Variants in SHTN1 observed in about 807,000 individuals in gnomAD.
SHTN1 encodes shootin 1, also known as shootin-1.
In SHTN1, 42 loss-of-function variants were observed where a neutral mutation model predicts 83.1. The ratio of observed to expected loss-of-function variants is 0.51; its 90% confidence interval spans 0.39 to 0.65. SHTN1 has a LOEUF of 0.65. SHTN1 is among the 30% of genes least tolerant of loss of function. The pLI, the probability that SHTN1 is intolerant of heterozygous loss-of-function variation, is 0.00. For missense variants in SHTN1, 622 were observed against 737.8 expected (o/e 0.84, Z 1.82); for synonymous variants, 224 against 247.7 (o/e 0.90, Z 0.90).
chr10:116,921,449 T>A lies in SHTN1; in HGVS notation c.1180A>T (p.Thr394Ser). 1 of 1,613,350 alleles carries A rather than the reference T, an allele frequency of 6.2e-7. No homozygotes were observed. The highest frequency in any genetic ancestry group is 8.5e-7 in the Non-Finnish European group (1 of 1,179,542). ...TGATGCTTACTTGTTTCTGGTTGAG[T>A]TGCCTTTTCTTTCTTAGCACCACTG... is the stretch of plus-strand genomic sequence containing the variant. The part of the protein sequence containing the change: ...SGSGAKKEKA[T>S]QPETTEEVTD... The change falls in exon 12 of 17, where the codon ACT becomes TCT. Residue 394 changes from threonine (T) to serine (S), a missense_variant. By Grantham distance (58) the Thr-to-Ser change is moderately conservative. Around this residue, in one of 3 missense-constraint regions of SHTN1, gnomAD observed 383 missense variants for 455.8 expected, o/e 0.84. Transcript: ENST00000355371.
chr10:117,054,251 T>G (rs1432251991), intron 1 of SHTN1, among the ~76,000 whole-genome samples: 2 of 151,988 alleles, frequency 1.3e-5, no homozygotes, highest in Non-Finnish European at 2.9e-5. Context: ...AAAATAGAGA[T>G]CATAAGACTG....
At chr10:116,911,873 T>G in intron 13 of SHTN1, 30 bp from the exon 14 acceptor site, 2 of 1,541,766 alleles carry the variant, frequency 1.3e-6, no homozygotes, top group South Asian at 1.1e-5. Context: ...GAAAAATCAC[T>G]GAGTAATTCA....
rs1847010785 is a variant in SHTN1, at chr10:116,881,500, T to G, written c.*4844A>C. 6.6e-7 allele frequency: 1 copy of G among 1,525,442 alleles called. No individual in the cohort carries two copies. The highest frequency in any genetic ancestry group is 1.4e-5 in the African/African-American group (1 of 71,758). The allele number at this position is 1,525,442 out of a possible 1,614,324, so 94.5% of individuals were successfully genotyped here. A position where few individuals can be genotyped will look rare whatever the true frequency, so the allele number is the denominator to read the frequency against. On this transcript the variant is annotated 3_prime_UTR_variant, in exon 17 of 17. Coordinates refer to ENST00000355371, the MANE Select transcript of SHTN1 (RefSeq NM_001127211.3). ...CATTGGATTAGACAGTAAACTTTATTGTTACTTTAAATAGGTTTCAAAGAA... is the reference window on the plus strand; with the variant it reads ...CATTGGATTAGACAGTAAACTTTATGGTTACTTTAAATAGGTTTCAAAGAA...
chr10:116,882,301 A>C lies in SHTN1; in HGVS notation c.*4043T>G, dbSNP rs7920638. 2.0e-5 allele frequency: 3 copies of C among 152,202 alleles called. No homozygotes were observed. Among genetic ancestry groups the C allele is most frequent in the African/African-American group, 7.2e-5 (3 of 41,526 alleles). 9.4% of individuals were successfully genotyped at this position (152,202 alleles called of 1,614,324 possible). A position where few individuals can be genotyped will look rare whatever the true frequency, so the allele number is the denominator to read the frequency against. On this transcript the variant is annotated 3_prime_UTR_variant, in exon 17 of 17. Transcript: ENST00000355371. ...TCCTTTTTGGAGTAAGAATGAGTAT[A>C]AATGAATAAGCACATCAGTAAATGA...
intron 11 of SHTN1, among the ~76,000 whole-genome samples, chr10:116,926,000 C>CA (rs553451501): frequency 0.012 from 1,724 of 146,182 alleles, 20 homozygotes; most frequent in African/African-American, 0.011. Context: ...GCACTCCTCA[C>CA]AAAAAAAAAA....
chr10:117,065,492 T>C (rs1410137069), intron 1 of SHTN1, among the ~76,000 whole-genome samples: 1 of 150,712 alleles, frequency 6.6e-6, no homozygotes, highest in Non-Finnish European at 1.5e-5. Flanking sequence ...CCGAGGCAAG[T>C]GGATTGCTTG....
At chr10:116,933,180 T>C (rs552657953) in intron 9 of SHTN1, among the ~76,000 whole-genome samples, 36 of 152,232 alleles carry the variant, frequency 2.4e-4, no homozygotes, top group Non-Finnish European at 3.2e-4. Context: ...ATTTATTTAT[T>C]TATTATACTG....
chr10:117,012,056 G>A (rs1255929494), intron 2 of SHTN1, among the ~76,000 whole-genome samples: 3 of 150,896 alleles, frequency 2.0e-5, no homozygotes, highest in East Asian at 2.0e-4. Context: ...GGAGAATGGC[G>A]TGAACCCGGG....
intron 12 of SHTN1, among the ~76,000 whole-genome samples, chr10:116,916,760 C>T (rs1369378998): frequency 1.3e-5 from 2 of 152,214 alleles, no homozygotes; most frequent in Non-Finnish European, 2.9e-5. Flanking sequence ...CCAGAGGTTT[C>T]CATTACCCTC....
chr10:116,985,072 C>T (rs1296504920), intron 1 of SHTN1, among the ~76,000 whole-genome samples: 1 of 152,180 alleles, frequency 6.6e-6, no homozygotes, highest in Non-Finnish European at 1.5e-5. Context: ...CTTAATATAC[C>T]ATCAGAGTAC....
rs1850492286 is a variant in SHTN1 at position 116,968,791 on chromosome 10, T to A, written c.112-79A>T. The A allele has an allele frequency of 2.8e-6, 3 of 1,057,570 alleles. No individual in the cohort carries two copies. In the Admixed American group the frequency reaches 6.7e-5, roughly 24 times the overall value. 65.5% of individuals were successfully genotyped at this position (1,057,570 alleles called of 1,614,324 possible). On this transcript the variant is annotated intron_variant, in intron 2 of 16. Coordinates refer to ENST00000355371, the MANE Select transcript of SHTN1 (RefSeq NM_001127211.3). The stretch of plus-strand genomic sequence containing the variant: ...GAAAAGGCAAGCAAGAGCAAACTTA[T>A]AAACAACAGCAATTTTCTGAAAACA...
At chr10:117,030,178 T>C (rs915232536) in intron 2 of SHTN1, among the ~76,000 whole-genome samples, 1 of 152,174 alleles carries the variant, frequency 6.6e-6, no homozygotes, top group Non-Finnish European at 1.5e-5. Flanking sequence ...TAAGCCACCA[T>C]GCCCGACCCT....
Position 116,884,824 on chromosome 10 carries a change from T to C in SHTN1, c.*1520A>G. 6.4e-6 allele frequency: 1 copy of C among 155,908 alleles called. No homozygotes were observed. Among genetic ancestry groups the C allele is most frequent in the South Asian group, 1.9e-4 (1 of 5,158 alleles). 9.7% of individuals were successfully genotyped at this position (155,908 alleles called of 1,614,324 possible). A position where few individuals can be genotyped will look rare whatever the true frequency, so the allele number is the denominator to read the frequency against. On this transcript the variant is annotated 3_prime_UTR_variant, in exon 17 of 17. Coordinates refer to ENST00000355371, the MANE Select transcript of SHTN1 (RefSeq NM_001127211.3). ...TGGGAAACTATTGGTGCCTTTTTAATAAGTTGTGGTGAGGAGAGTTCAAAT... is the reference window on the plus strand; with the variant it reads ...TGGGAAACTATTGGTGCCTTTTTAACAAGTTGTGGTGAGGAGAGTTCAAAT...
chr10:116,997,401 A>C lies in SHTN1; in HGVS notation c.58+7621T>G, dbSNP rs139350597. On this transcript the variant is annotated intron_variant, in intron 1 of 16. Coordinates refer to ENST00000355371, the MANE Select transcript of SHTN1 (RefSeq NM_001127211.3). ...TTTGTTACAGGTATCTGTCCCAATT[A>C]TGAACTTACAAGGTTTGAGGGACAG... 2.2e-4 allele frequency among the ~76,000 whole-genome samples: 33 copies of C among 152,340 alleles called. No homozygotes were observed. In the East Asian group the frequency reaches 6.2e-3, roughly 28 times the overall value.
At chr10:116,923,307 T>C (rs1455934254) in intron 11 of SHTN1, among the ~76,000 whole-genome samples, 3 of 152,202 alleles carry the variant, frequency 2.0e-5, no homozygotes, top group African/African-American at 2.4e-5. Flanking sequence ...TATCTGCATA[T>C]AGCATCATTT....
chr10:116,891,426 G>C (rs1409505859), intron 16 of SHTN1, among the ~76,000 whole-genome samples: 1 of 152,172 alleles, frequency 6.6e-6, no homozygotes, highest in East Asian at 1.9e-4. Context: ...AACAAATGAC[G>C]CACAGCCGGA....
chr10:117,053,162 T>C (rs1184706114), intron 1 of SHTN1, among the ~76,000 whole-genome samples: 2 of 151,702 alleles, frequency 1.3e-5, no homozygotes, highest in African/African-American at 2.4e-5. Flanking sequence ...GAAGTATTCA[T>C]AGAAGAAAGA....
intron 2 of SHTN1, among the ~76,000 whole-genome samples, chr10:117,047,639 C>T (rs1852684334): frequency 6.6e-6 from 1 of 151,742 alleles, no homozygotes; most frequent in Admixed American, 6.6e-5. Context: ...ATTAAGGTAG[C>T]CTTCCTTGAA....
At chr10:116,916,245 A>G (rs1848379160) in intron 12 of SHTN1, among the ~76,000 whole-genome samples, 1 of 152,238 alleles carries the variant, frequency 6.6e-6, no homozygotes, top group Non-Finnish European at 1.5e-5. Flanking sequence ...AATGTAACTG[A>G]GGTGAACTTA....
Sources: allele counts gnomAD v4.1 joint callset (sites outside exome capture counted in the v4.1 genomes callset), GRCh38; gene constraint gnomAD v4.1.1; regional missense constraint gnomAD v4.1.1; transcripts MANE v1.5; gene names NCBI Gene and HGNC (gene_info 2026-07-23, HGNC 2026-07-21).